The following ADAMTS19 variants were observed in gnomAD, a reference collection of about 807,000 sequenced individuals.
ADAMTS19 encodes the protein A disintegrin and metalloproteinase with thrombospondin motifs 19.
In ADAMTS19, 93 loss-of-function variants were observed where a neutral mutation model predicts 153.3. The ratio of observed to expected loss-of-function variants is 0.61; its 90% CI spans 0.51 to 0.72. The LOEUF is 0.72. Among genes scored for constraint, ADAMTS19 ranks in the 30% least tolerant of loss-of-function variants. The pLI is 0.00. For missense variants in ADAMTS19, 1,482 were observed against 1,552.1 expected (o/e 0.95, Z 0.76); for synonymous variants, 600 against 556.6 (o/e 1.08, Z -1.10).
Position 129,701,515 on chromosome 5 carries a change from G to A in ADAMTS19, c.3082G>A (p.Gly1028Arg). The change falls in exon 20 of 23, where the codon GGG becomes AGG. Residue 1028 changes from glycine to arginine, a missense_variant. By Grantham distance (125) the Gly-to-Arg change is moderately radical. Coordinates refer to ENST00000274487, the MANE Select transcript of ADAMTS19 (RefSeq NM_133638.6). ...LIRARERDCI[G>R]PKPASAQRCE... The stretch of plus-strand genomic sequence containing the variant: ...TAGAGCCCGAGAGAGGGACTGCATT[G>A]GGCCCAAGCCCGCCTCTGCCCAGCG... 6.2e-7 allele frequency: 1 copy of A among 1,614,122 alleles called. No individual in the cohort carries two copies. The highest frequency in any genetic ancestry group is 8.5e-7 in the Non-Finnish European group (1 of 1,180,024).
At chr5:129,719,146 TTAAA>T (rs1756862491) in intron 21 of ADAMTS19, among the ~76,000 whole-genome samples, 2 of 152,202 alleles carry the variant, frequency 1.3e-5, no homozygotes, top group Admixed American at 1.3e-4. Context: ...TAACAAAAAT[TTAAA>T]TAAACACCTT....
At position 129,737,978 on chromosome 5, in the gene ADAMTS19, TA is replaced by T. The variant is rs1757741439; in HGVS notation, c.*762del. 6.6e-6 allele frequency: 1 copy of T among 152,532 alleles called. No individual in the cohort carries two copies. The highest frequency in any genetic ancestry group is 1.5e-5 in the Non-Finnish European group (1 of 67,996). The allele number at this position is 152,532 out of a possible 1,614,324, so 9.4% of individuals were successfully genotyped here. Reference sequence around the variant, plus strand: ...ATCTTACAAAAAATGTGTATTATTTTAACATGTTATCACTAGATTTTAGCTT... The same window carrying T: ...ATCTTACAAAAAATGTGTATTATTTTACATGTTATCACTAGATTTTAGCTT... On this transcript the variant is annotated 3_prime_UTR_variant, in exon 23 of 23. Transcript: ENST00000274487.
chr5:129,698,467 G>C (rs186686092), intron 19 of ADAMTS19, among the ~76,000 whole-genome samples: 106 of 152,268 alleles, frequency 7.0e-4, no homozygotes, highest in African/African-American at 2.5e-3. Context: ...GAATTCACTA[G>C]TAAATACCTT....
At position 129,528,668 on chromosome 5, in the gene ADAMTS19, T is replaced by C; in HGVS notation, c.1319T>C (p.Leu440Pro). Residue 440 changes from leucine (L) to proline (P), a missense_variant, in exon 6 of 23, where the codon CTT becomes CCT. This residue lies in a region of ADAMTS19 where 866 missense variants were observed against 827.7 expected (regional missense o/e 1.05). Transcript: ENST00000274487. ...ATGACTTCAGTGGATGCAGCTATACTTATAACAAGGTAAATTTTCCAATGC... is the reference window on the plus strand; with the variant it reads ...ATGACTTCAGTGGATGCAGCTATACCTATAACAAGGTAAATTTTCCAATGC... The part of the protein sequence containing the change: ...EDMTSVDAAI[L>P]ITRKDFCVHK... 1 of 1,587,530 alleles carries C rather than the reference T, an allele frequency of 6.3e-7. No homozygotes were observed. Among genetic ancestry groups the C allele is most frequent in the Non-Finnish European group, 8.6e-7 (1 of 1,169,308 alleles).
intron 3 of ADAMTS19, among the ~76,000 whole-genome samples, chr5:129,525,833 T>A (rs987235269): frequency 6.6e-6 from 1 of 152,034 alleles, no homozygotes; most frequent in Non-Finnish European, 1.5e-5. Flanking sequence ...CAGGAGCACC[T>A]GCCTGAAATT....
intron 10 of ADAMTS19, among the ~76,000 whole-genome samples, chr5:129,637,265 A>G (rs1441391681): frequency 6.6e-6 from 1 of 152,212 alleles, no homozygotes; most frequent in East Asian, 1.9e-4. Flanking sequence ...CCACAGATAT[A>G]AAAATCATAG....
At chr5:129,540,631 C>T (rs1336415608) in intron 6 of ADAMTS19, among the ~76,000 whole-genome samples, 1 of 151,986 alleles carries the variant, frequency 6.6e-6, no homozygotes, top group East Asian at 1.9e-4. Context: ...TTTAATAAAA[C>T]ATATGAATTG....
chr5:129,621,104 C>T (rs1040984875), intron 9 of ADAMTS19, among the ~76,000 whole-genome samples: 2 of 152,212 alleles, frequency 1.3e-5, no homozygotes, highest in South Asian at 4.2e-4. Context: ...TCTATTATCA[C>T]GAAGATCAGG....
chr5:129,473,659 C>G (rs986036623), intron 2 of ADAMTS19, among the ~76,000 whole-genome samples: 1 of 151,974 alleles, frequency 6.6e-6, no homozygotes, highest in Non-Finnish European at 1.5e-5. Context: ...TGGATAATTT[C>G]TCTGTAGATT....
chr5:129,475,512 CT>C (rs1750196447), intron 2 of ADAMTS19, among the ~76,000 whole-genome samples: 2 of 152,112 alleles, frequency 1.3e-5, no homozygotes, highest in South Asian at 4.2e-4. Flanking sequence ...AATTTAAGTC[CT>C]TTAATTTTAA....
chr5:129,521,660 T>C (rs953752090), intron 3 of ADAMTS19, among the ~76,000 whole-genome samples: 5 of 152,110 alleles, frequency 3.3e-5, no homozygotes, highest in Non-Finnish European at 5.9e-5. Flanking sequence ...TTCTAGCCTA[T>C]AGGATGAAGG....
At chr5:129,582,478 A>T (rs1025086836) in intron 7 of ADAMTS19, among the ~76,000 whole-genome samples, 1 of 151,254 alleles carries the variant, frequency 6.6e-6, no homozygotes, top group Non-Finnish European at 1.5e-5. Context: ...CTTTGAGCCT[A>T]TGTGTGTCTT....
intron 6 of ADAMTS19, among the ~76,000 whole-genome samples, chr5:129,529,010 T>C (rs1323351443): frequency 2.0e-5 from 3 of 152,086 alleles, no homozygotes; most frequent in Non-Finnish European, 4.4e-5. Flanking sequence ...TGTATGTTTT[T>C]CAGTCATCAC....
chr5:129,542,718 T>C (rs1223722184), intron 6 of ADAMTS19, among the ~76,000 whole-genome samples: 1 of 152,188 alleles, frequency 6.6e-6, no homozygotes, highest in Non-Finnish European at 1.5e-5. Context: ...TTGGTACATA[T>C]TTTCAGAAAG....
At chr5:129,573,739 T>C (rs1007687810) in intron 7 of ADAMTS19, among the ~76,000 whole-genome samples, 2 of 152,120 alleles carry the variant, frequency 1.3e-5, no homozygotes, top group African/African-American at 4.8e-5. Context: ...CTTGGATACA[T>C]TGTCAAAGTT....
At chr5:129,514,366 T>C (rs1751530345) in intron 3 of ADAMTS19, among the ~76,000 whole-genome samples, 1 of 152,140 alleles carries the variant, frequency 6.6e-6, no homozygotes, top group African/African-American at 2.4e-5. Flanking sequence ...ACCTTCAAAC[T>C]GTTCTCCATA....
At chr5:129,703,075 G>A (rs1417923941) in intron 20 of ADAMTS19, among the ~76,000 whole-genome samples, 1 of 148,938 alleles carries the variant, frequency 6.7e-6, no homozygotes, top group African/African-American at 2.5e-5. Context: ...TTACTTATTT[G>A]TGCAAGATTT....
At chr5:129,464,218 A>C (rs575659362) in intron 2 of ADAMTS19, among the ~76,000 whole-genome samples, 1 of 152,374 alleles carries the variant, frequency 6.6e-6, no homozygotes, top group East Asian at 1.9e-4. Flanking sequence ...TCTAGAGATC[A>C]AACTTCAAAA....
At chr5:129,736,584 A>T (rs1233010840) in intron 22 of ADAMTS19, among the ~76,000 whole-genome samples, 2 of 152,094 alleles carry the variant, frequency 1.3e-5, no homozygotes, top group Admixed American at 6.6e-5. Context: ...AGCTCCAGGT[A>T]ATCCATTTAG....
Sources: gnomAD v4.1 joint callset for allele counts (sites outside exome capture counted in the v4.1 genomes callset) on GRCh38, gnomAD v4.1.1 for gene constraint, gnomAD v4.1.1 regional missense constraint, MANE v1.5 for transcripts, NCBI Gene and HGNC (gene_info 2026-07-23, HGNC 2026-07-21) for gene names.